The following RFTN2 variants were observed in gnomAD, a reference collection of about 807,000 sequenced individuals.
RFTN2 encodes the protein raftlin-2.
Under a neutral mutation model 52.7 loss-of-function variants are expected in RFTN2, and 34 were observed. That is an observed-to-expected ratio of 0.64 (90% CI 0.49 to 0.86). The LOEUF is 0.86. RFTN2 is among the 40% of genes least tolerant of loss of function. The pLI, the probability that RFTN2 is intolerant of heterozygous loss-of-function variation, is 0.00. For synonymous variants in RFTN2, 203 were observed against 217.7 expected (o/e 0.93, Z 0.59); for missense variants, 536 against 600.1 (o/e 0.89, Z 1.12).
At chr2:197,648,203 A>T (rs1395667244) in intron 1 of RFTN2, among the ~76,000 whole-genome samples, 1 of 152,226 alleles carries the variant, frequency 6.6e-6, no homozygotes. Flanking sequence ...TTACATCAGT[A>T]TCCACATGAT....
chr2:197,636,658 C>G lies in RFTN2; in HGVS notation c.439-2661G>C, dbSNP rs2088572091. On this transcript the variant is annotated intron_variant, in intron 3 of 8. Coordinates refer to ENST00000295049, the MANE Select transcript of RFTN2 (RefSeq NM_144629.3). ...TTTTGGGCTGAGACAATGGGGTTTTCTAGATATACAATCATGTCGTCTGCA... is the reference window on the plus strand; with the variant it reads ...TTTTGGGCTGAGACAATGGGGTTTTGTAGATATACAATCATGTCGTCTGCA... Among the ~76,000 whole-genome samples the G allele has an allele frequency of 3.5e-5, 5 of 143,828 alleles. No individual in the cohort carries two copies. In the Admixed American group the frequency reaches 3.6e-4, roughly 10 times the overall value. The allele number at this position is 143,828 out of a possible 152,430, so 94.4% of individuals were successfully genotyped here.
At chr2:197,577,259 T>G (rs2087433550) in intron 8 of RFTN2, among the ~76,000 whole-genome samples, 1 of 152,232 alleles carries the variant, frequency 6.6e-6, no homozygotes. Context: ...CTTGGCAAAA[T>G]AAACTTTCTA....
At chr2:197,621,418 T>TTTC (rs397933205) in intron 5 of RFTN2, among the ~76,000 whole-genome samples, 3 of 151,048 alleles carry the variant, frequency 2.0e-5, no homozygotes, top group African/African-American at 7.3e-5. Context: ...TTTTTTTTTT[T>TTTC]CAAATTGAAG....
At chr2:197,614,734 T>G (rs1157856188) in intron 7 of RFTN2, among the ~76,000 whole-genome samples, 1 of 152,192 alleles carries the variant, frequency 6.6e-6, no homozygotes, top group Admixed American at 6.5e-5. Context: ...GCCACACCCC[T>G]GTCACACATC....
intron 3 of RFTN2, 100 bp downstream of exon 3, chr2:197,644,058 T>G: frequency 2.6e-6 from 2 of 764,388 alleles, no homozygotes; most frequent in East Asian, 5.0e-5. Flanking sequence ...AAAAGTTACC[T>G]GTCATTTCCT....
intron 1 of RFTN2, among the ~76,000 whole-genome samples, chr2:197,654,167 C>A (rs956365014): frequency 6.6e-6 from 1 of 152,058 alleles, no homozygotes; most frequent in East Asian, 1.9e-4. Flanking sequence ...GTGGGCGGAT[C>A]ACTTGAGGCC....
At chr2:197,631,729 A>C (rs1292097969) in intron 4 of RFTN2, among the ~76,000 whole-genome samples, 1 of 152,142 alleles carries the variant, frequency 6.6e-6, no homozygotes, top group Admixed American at 6.6e-5. Flanking sequence ...TGTTATTACC[A>C]ACTTTGTATC....
intron 1 of RFTN2, among the ~76,000 whole-genome samples, chr2:197,657,787 A>AT (rs2088914213): frequency 6.6e-6 from 1 of 152,228 alleles, no homozygotes; most frequent in South Asian, 2.1e-4. Context: ...GTTACTGTAA[A>AT]CATGCCATCA....
intron 3 of RFTN2, among the ~76,000 whole-genome samples, chr2:197,639,349 C>T (rs1465173880): frequency 6.6e-6 from 1 of 151,498 alleles, no homozygotes; most frequent in African/African-American, 2.4e-5. Context: ...CAACTTGGTT[C>T]CATTCTCCGC....
intron 3 of RFTN2, among the ~76,000 whole-genome samples, chr2:197,637,563 A>G (rs1458274628): frequency 2.6e-4 from 40 of 152,192 alleles, no homozygotes; most frequent in Admixed American, 2.2e-3. Context: ...GGTAGTTTGT[A>G]TTTCTGTGGG....
At chr2:197,616,041 A>G (rs1261513117) in intron 6 of RFTN2, 62 bp from the exon 7 acceptor site, 6 of 969,754 alleles carry the variant, frequency 6.2e-6, no homozygotes, top group East Asian at 2.6e-5. Flanking sequence ...ACACAATTAC[A>G]ACAAAGGGTG....
chr2:197,613,781 C>T (rs1177650227), intron 7 of RFTN2, among the ~76,000 whole-genome samples: 1 of 152,170 alleles, frequency 6.6e-6, no homozygotes, highest in African/African-American at 2.4e-5. Context: ...TGCAAAGGAA[C>T]AAAATAAACA....
chr2:197,586,192 AC>A (rs1465893754), intron 8 of RFTN2, among the ~76,000 whole-genome samples: 1 of 151,638 alleles, frequency 6.6e-6, no homozygotes, highest in Non-Finnish European at 1.5e-5. Flanking sequence ...TGCTCGTCAG[AC>A]TCTCCTCCCA....
rs538297904 is a variant in RFTN2 at position 197,588,462 on chromosome 2, T to C, written c.1233+7529A>G. 1.5e-3 allele frequency among the ~76,000 whole-genome samples: 235 copies of C among 152,368 alleles called. 1 individual carries two copies. The highest frequency in any genetic ancestry group is 2.6e-3 in the Non-Finnish European group (177 of 68,026). On this transcript the variant is annotated intron_variant, in intron 8 of 8. Coordinates refer to ENST00000295049, the MANE Select transcript of RFTN2 (RefSeq NM_144629.3). ...ACTCCTGGCCTCATGGCCAGCCGCC[T>C]TCCTTGGCCTCCCAGAGTGCTGGGA...
At chr2:197,624,062 G>A (rs1411309308) in intron 5 of RFTN2, among the ~76,000 whole-genome samples, 2 of 152,098 alleles carry the variant, frequency 1.3e-5, no homozygotes, top group African/African-American at 4.8e-5. Context: ...GCCTCCCAAA[G>A]TGCTGGGATT....
chr2:197,646,672 A>C lies in RFTN2; in HGVS notation c.140-6T>G, dbSNP rs751746099. On this transcript the variant is annotated splice_region_variant and splice_polypyrimidine_tract_variant and intron_variant, in intron 1 of 8. Coordinates refer to ENST00000295049, the MANE Select transcript of RFTN2 (RefSeq NM_144629.3). Reference sequence around the variant, plus strand: ...GACTTCTGGGTTTGATGAAGCTGAAATATCAAAAGCAAAGAGAAATTTGCA... The same window carrying C: ...GACTTCTGGGTTTGATGAAGCTGAACTATCAAAAGCAAAGAGAAATTTGCA... The C allele has an allele frequency of 1.2e-6, 2 of 1,604,992 alleles. No individual in the cohort carries two copies. The highest frequency in any genetic ancestry group is 8.5e-7 in the Non-Finnish European group (1 of 1,173,390).
chr2:197,630,671 A>G (rs1164404393), intron 5 of RFTN2, among the ~76,000 whole-genome samples: 1 of 152,258 alleles, frequency 6.6e-6, no homozygotes, highest in African/African-American at 2.4e-5. Context: ...AAATATGAAT[A>G]GTAAACACGA....
intron 5 of RFTN2, among the ~76,000 whole-genome samples, chr2:197,620,362 A>G (rs1023560363): frequency 1.3e-5 from 2 of 152,030 alleles, no homozygotes; most frequent in African/African-American, 2.4e-5. Flanking sequence ...TTTGTCTCCT[A>G]TTTTGCTATA....
At chr2:197,633,047 T>A (rs1480885378) in intron 4 of RFTN2, among the ~76,000 whole-genome samples, 1 of 152,202 alleles carries the variant, frequency 6.6e-6, no homozygotes, top group Non-Finnish European at 1.5e-5. Flanking sequence ...TGCTAAGGTA[T>A]ATGTAGCCTT....
Sources: allele counts gnomAD v4.1 joint callset (sites outside exome capture counted in the v4.1 genomes callset), GRCh38; gene constraint gnomAD v4.1.1; transcripts MANE v1.5; gene names NCBI Gene and HGNC (gene_info 2026-07-23, HGNC 2026-07-21).